TENM3: variants seen among roughly 807,000 people sequenced by gnomAD.
TENM3 encodes the protein teneurin-3.
Under a neutral mutation model 255.1 loss-of-function variants are expected in TENM3, and 63 were observed. The observed-to-expected ratio is 0.25, with a 90% CI of 0.20 to 0.30. The LOEUF (loss-of-function observed/expected upper bound fraction) is 0.30. Ranked by LOEUF, TENM3 falls within the 10% of genes least tolerant of loss-of-function variation. TENM3 has a pLI of 1.00. For missense variants in TENM3, 2,929 were observed against 3,461.1 expected (o/e 0.85, Z 3.86); for synonymous variants, 1,306 against 1,322.3 (o/e 0.99, Z 0.27).
chr4:181,591,266 T>A, the TENM3 span, among the ~76,000 whole-genome samples: 30 of 152,316 alleles, frequency 2.0e-4, 1 homozygote, highest in African/African-American at 7.0e-4. Flanking sequence ...CTCACACACA[T>A]GACTGATGGG....
At chr4:181,718,720 C>T in the TENM3 span, among the ~76,000 whole-genome samples, 2 of 151,976 alleles carry the variant, frequency 1.3e-5, no homozygotes, top group Non-Finnish European at 2.9e-5. Context: ...TTCTTTGTTT[C>T]ACTCTATTAA....
chr4:181,716,352 C>CAAT, the TENM3 span, among the ~76,000 whole-genome samples: 197 of 152,246 alleles, frequency 1.3e-3, no homozygotes, highest in African/African-American at 4.5e-3. Context: ...AGCATGTAAT[C>CAAT]AATATAAAAG....
At chr4:182,448,937 A>T in intron 3 of TENM3, 1 of 380,636 alleles carries the variant, frequency 2.6e-6, no homozygotes, top group Non-Finnish European at 5.3e-6. Flanking sequence ...GGGTGTAAAC[A>T]GAGGAGCCTC....
At chr4:181,642,438 G>T in the TENM3 span, among the ~76,000 whole-genome samples, 1 of 152,042 alleles carries the variant, frequency 6.6e-6, no homozygotes, top group African/African-American at 2.4e-5. Flanking sequence ...CACTCTGATG[G>T]TAGTTTCTTT....
At chr4:181,822,498 C>T in the TENM3 span, among the ~76,000 whole-genome samples, 56 of 152,244 alleles carry the variant, frequency 3.7e-4, no homozygotes, top group Admixed American at 5.9e-4. Flanking sequence ...AATTTCAAAG[C>T]TCATATCTGT....
chr4:181,676,908 C>A, the TENM3 span, among the ~76,000 whole-genome samples: 1 of 151,924 alleles, frequency 6.6e-6, no homozygotes, highest in Non-Finnish European at 1.5e-5. Context: ...CATTCATGAC[C>A]CACCTTATTA....
At chr4:182,558,774 A>AT (rs943595923) in intron 3 of TENM3, among the ~76,000 whole-genome samples, 19 of 152,182 alleles carry the variant, frequency 1.2e-4, no homozygotes, top group African/African-American at 3.9e-4. Context: ...CTGATTTGTC[A>AT]TTAGATATAA....
the TENM3 span, among the ~76,000 whole-genome samples, chr4:181,776,952 T>C: frequency 6.6e-6 from 1 of 152,120 alleles, no homozygotes; most frequent in African/African-American, 2.4e-5. Flanking sequence ...CATTTGCCTA[T>C]TTTTGGTTTT....
chr4:181,891,045 T>C, the TENM3 span, among the ~76,000 whole-genome samples: 1 of 152,182 alleles, frequency 6.6e-6, no homozygotes, highest in Admixed American at 6.5e-5. Context: ...GGCTTTCTCT[T>C]TTGAAGGCAT....
At chr4:182,486,931 G>A (rs139127184) in intron 3 of TENM3, among the ~76,000 whole-genome samples, 3 of 152,262 alleles carry the variant, frequency 2.0e-5, no homozygotes, top group African/African-American at 7.2e-5. Flanking sequence ...TCCAGTTCCT[G>A]GCAAAAGAAA....
intron 1 of TENM3, among the ~76,000 whole-genome samples, chr4:182,290,424 T>C (rs7675986): frequency 0.2 from 30,004 of 152,184 alleles, 3,537 homozygotes; most frequent in African/African-American, 0.32. Flanking sequence ...CTAGAACCAT[T>C]GCTAGATGTA....
chr4:182,690,851 CT>C (rs1255573515), intron 12 of TENM3, among the ~76,000 whole-genome samples: 2 of 152,152 alleles, frequency 1.3e-5, no homozygotes, highest in Non-Finnish European at 2.9e-5. Flanking sequence ...TTAATAAACC[CT>C]GCAATAGTTC....
At chr4:182,059,774 AAAAG>A in the TENM3 span, among the ~76,000 whole-genome samples, 1 of 149,500 alleles carries the variant, frequency 6.7e-6, no homozygotes. Flanking sequence ...AAAAAAAAAA[AAAAG>A]AAAAATTCAC....
intron 24 of TENM3, among the ~76,000 whole-genome samples, chr4:182,779,036 GTTCTTT>G (rs974450673): frequency 4.8e-5 from 6 of 124,816 alleles, no homozygotes; most frequent in African/African-American, 9.4e-5. Context: ...AGAACAATGT[GTTCTTT>G]TTTTTTTTCC....
chr4:181,751,166 C>A, the TENM3 span, among the ~76,000 whole-genome samples: 2 of 152,040 alleles, frequency 1.3e-5, no homozygotes, highest in South Asian at 2.1e-4. Context: ...TTGTTAAAAT[C>A]TCCATGCTAG....
In TENM3 at chr4:182,572,106, T is replaced by C. The variant is rs556813298; in HGVS notation, c.512-28818T>C. 7.0e-4 allele frequency among the ~76,000 whole-genome samples: 107 copies of C among 152,272 alleles called. 1 individual carries two copies. The highest frequency in any genetic ancestry group is 2.6e-3 in the African/African-American group (106 of 41,554). ...TAGTAAAAACGGGGTTTCACCGTGT[T>C]GGCCAGGCTGGTCTGGAACTCCTGA... On this transcript the variant is annotated intron_variant, in intron 3 of 27. Coordinates refer to ENST00000511685, the MANE Select transcript of TENM3 (RefSeq NM_001080477.4).
Position 182,681,933 on chromosome 4 carries a change from T to C in TENM3, c.1954T>C (p.Cys652Arg), listed in dbSNP as rs1023384752. 3 of 1,613,894 alleles carry C rather than the reference T, an allele frequency of 1.9e-6. No individual in the cohort carries two copies. Among genetic ancestry groups the C allele is most frequent in the Non-Finnish European group, 2.5e-6 (3 of 1,179,900 alleles). The change falls in exon 11 of 28, where the codon TGC becomes CGC. Residue 652 changes from cysteine to arginine, a missense_variant. Around this residue, in one of 6 missense-constraint regions of TENM3, gnomAD observed 1,608 missense variants for 1,884.4 expected, o/e 0.85. Transcript: ENST00000511685. ...ACTGAAGACCATGTGTCCAGACCAG[T>C]GCTCCGGCCACGGAACGTATCTTCA... The part of the protein sequence containing the change: ...EILKTMCPDQ[C>R]SGHGTYLQES...
rs397996500 is a variant in TENM3 at position 182,684,439 on chromosome 4, C to CAAAA, written c.2035+2438_2035+2441dup. Among the ~76,000 whole-genome samples the CAAAA allele has an allele frequency of 2.6e-4, 18 of 69,958 alleles. 1 individual carries two copies. Among genetic ancestry groups the CAAAA allele is most frequent in the Admixed American group, 8.8e-4 (4 of 4,532 alleles). The allele number at this position is 69,958 out of a possible 152,430, so 45.9% of individuals were successfully genotyped here. On this transcript the variant is annotated intron_variant, in intron 11 of 27. Transcript: ENST00000511685. Reference sequence around the variant, plus strand: ...TTCAAATTTTGGACTGGCCCCATCACAAAAAAAAAAAAAAAATTTGGACTG... The same window carrying CAAAA: ...TTCAAATTTTGGACTGGCCCCATCACAAAAAAAAAAAAAAAAAAAATTTGGACTG...
chr4:181,607,503 C>A, the TENM3 span, among the ~76,000 whole-genome samples: 1 of 152,038 alleles, frequency 6.6e-6, no homozygotes, highest in Non-Finnish European at 1.5e-5. Flanking sequence ...CAACCTCCAC[C>A]TCCTGGCTTC....
Sources: allele counts gnomAD v4.1 joint callset (sites outside exome capture counted in the v4.1 genomes callset), GRCh38; gene constraint gnomAD v4.1.1; regional missense constraint gnomAD v4.1.1; transcripts MANE v1.5; gene names NCBI Gene and HGNC (gene_info 2026-07-23, HGNC 2026-07-21).